The following ADH1B variants were observed in gnomAD, a reference collection of about 807,000 sequenced individuals.
ADH1B encodes the protein all-trans-retinol dehydrogenase [NAD(+)] ADH1B.
ADH1B carries 29 observed loss-of-function variants against 34.6 expected under a neutral mutation model. The ratio of observed to expected loss-of-function variants is 0.84; its 90% CI spans 0.62 to 1.14. ADH1B has a LOEUF of 1.14. Among genes scored for constraint, ADH1B ranks in the 50% most tolerant of loss-of-function variants. ADH1B has a pLI of 0.00. For synonymous variants in ADH1B, 170 were observed against 175.5 expected (o/e 0.97, Z 0.25); for missense variants, 424 against 468.4 (o/e 0.91, Z 0.87).
rs960778177 is a variant in ADH1B, at chr4:99,306,307, C to A, written c.*1533G>T. ...AGGGATAAGCCACTGCGCCACCCCC[C>A]ACCCCGCTTTAGCATTTTTGACAAA... On this transcript the variant is annotated 3_prime_UTR_variant, in exon 9 of 9. Coordinates refer to ENST00000305046, the MANE Select transcript of ADH1B (RefSeq NM_000668.6). The A allele has an allele frequency of 7.9e-5, 12 of 152,140 alleles. No individual in the cohort carries two copies. The highest frequency in any genetic ancestry group is 5.9e-4 in the Admixed American group (9 of 15,264). The allele number at this position is 152,140 out of a possible 1,614,324, so 9.4% of individuals were successfully genotyped here. A position where few individuals can be genotyped will look rare whatever the true frequency, so the allele number is the denominator to read the frequency against.
At chr4:99,317,406 A>T (rs1733913704) in intron 3 of ADH1B, 1 of 152,236 alleles carries the variant, frequency 6.6e-6, no homozygotes, top group Admixed American at 6.5e-5. Context: ...ATCTGTAACC[A>T]GTTGCATTTA....
At chr4:99,318,683 C>CA in intron 2 of ADH1B, 102 bp downstream of exon 2, 1 of 1,065,326 alleles carries the variant, frequency 9.4e-7, no homozygotes, top group Non-Finnish European at 1.3e-6. Flanking sequence ...TCTGGGTGAT[C>CA]ATATAAGATA....
chr4:99,321,105 C>T (rs962652420), intron 1 of ADH1B, among the ~76,000 whole-genome samples: 1 of 152,102 alleles, frequency 6.6e-6, no homozygotes, highest in Non-Finnish European at 1.5e-5. Context: ...GACACAGGTT[C>T]TATACATTCC....
rs906017258 is a variant in ADH1B, at chr4:99,321,401, T to C, written c.-70A>G. 5.3e-5 allele frequency: 77 copies of C among 1,444,868 alleles called. No individual in the cohort carries two copies. In the African/African-American group the frequency reaches 1.0e-3, roughly 19 times the overall value. 89.5% of individuals were successfully genotyped at this position (1,444,868 alleles called of 1,614,324 possible). A position where few individuals can be genotyped will look rare whatever the true frequency, so the allele number is the denominator to read the frequency against. The stretch of plus-strand genomic sequence containing the variant: ...TGGATTTCTTCTCTGCTTGAGTGCA[T>C]AAAGCAGATATATTGCACAGATATT... On this transcript the variant is annotated 5_prime_UTR_variant, in exon 1 of 9. It removes an upstream start codon present in the reference 5' UTR. Coordinates refer to ENST00000305046, the MANE Select transcript of ADH1B (RefSeq NM_000668.6).
intron 5 of ADH1B, chr4:99,314,930 GCTTTCCTGTCCCAAGTAATCTCATC>G (rs1733840315): frequency 6.6e-6 from 1 of 152,168 alleles, no homozygotes; most frequent in Non-Finnish European, 1.5e-5. Context: ...TGGGTAACAT[GCTTTCCTGTCCCAAGTAATCTCATC>G]CTTATATTCC....
At chr4:99,320,636 G>C (rs1204131433) in intron 1 of ADH1B, 1 of 288,164 alleles carries the variant, frequency 3.5e-6, no homozygotes, top group Admixed American at 5.6e-5. Context: ...GATTCAAATT[G>C]TATTATTATT....
chr4:99,315,198 T>A (rs1366488541), intron 5 of ADH1B: 1 of 152,424 alleles, frequency 6.6e-6, no homozygotes, highest in African/African-American at 2.4e-5. Flanking sequence ...TGGGCAAATA[T>A]CTTTATATAT....
At chr4:99,311,170 T>A (rs1449291671) in intron 7 of ADH1B, among the ~76,000 whole-genome samples, 1 of 152,204 alleles carries the variant, frequency 6.6e-6, no homozygotes, top group East Asian at 1.9e-4. Flanking sequence ...GGAGCAAATT[T>A]ATCAGTTGTC....
At chr4:99,315,752 A>G in intron 5 of ADH1B, 146 bp downstream of exon 5, 14 of 695,030 alleles carry the variant, frequency 2.0e-5, no homozygotes, top group Non-Finnish European at 3.2e-5. Context: ...TAGCATGTGT[A>G]CTCAATTCTT....
intron 1 of ADH1B, chr4:99,320,710 A>G (rs1445492223): frequency 4.9e-6 from 4 of 814,382 alleles, no homozygotes; most frequent in African/African-American, 1.9e-5. Context: ...ATACTGTTCC[A>G]TAGGATTTTT....
chr4:99,316,535 G>A (rs1197624866), intron 3 of ADH1B: 3 of 531,128 alleles, frequency 5.6e-6, no homozygotes, highest in African/African-American at 3.8e-5. Flanking sequence ...AGACCACACA[G>A]ATTAAAAAAA....
At position 99,316,243 on chromosome 4, in the gene ADH1B, G is replaced by C. The variant is rs369184871; in HGVS notation, c.319C>G (p.Pro107Ala). The change falls in exon 4 of 9, where the codon CCG becomes GCG. Residue 107 changes from proline to alanine, a missense_variant. Around this residue, in one of 3 missense-constraint regions of ADH1B, gnomAD observed 291 missense variants for 300.4 expected, o/e 0.97. Transcript: ENST00000305046. Reference sequence around the variant, plus strand: ...TTTTTCAAGCAGTAGTTGCTCTCCGGGTTTTTACAAACTCTGCATTTTCCA... The same window carrying C: ...TTTTTCAAGCAGTAGTTGCTCTCCGCGTTTTTACAAACTCTGCATTTTCCA... ...QCGKCRVCKN[P>A]ESNYCLKNDL... is the part of the protein sequence containing the mutation. The C allele has an allele frequency of 3.8e-5, 61 of 1,614,068 alleles. No individual in the cohort carries two copies. The highest frequency in any genetic ancestry group is 1.5e-4 in the Admixed American group (9 of 59,996).
chr4:99,318,258 G>A (rs1466875373), intron 2 of ADH1B, 74 bp from the exon 3 acceptor site: 1 of 1,575,226 alleles, frequency 6.3e-7, no homozygotes, highest in Non-Finnish European at 8.7e-7. Flanking sequence ...CCAAATTCCT[G>A]AAATTGTGTT....
intron 5 of ADH1B, 81 bp from the exon 6 acceptor site, chr4:99,314,162 G>A: frequency 6.4e-7 from 1 of 1,557,960 alleles, no homozygotes; most frequent in Non-Finnish European, 8.7e-7. Flanking sequence ...CCATGCGTAG[G>A]TGTTTATCAA....
intron 6 of ADH1B, among the ~76,000 whole-genome samples, chr4:99,313,334 A>G (rs1281687633): frequency 6.6e-6 from 1 of 152,174 alleles, no homozygotes; most frequent in East Asian, 1.9e-4. Context: ...CAATTTCCTT[A>G]GGGCATATTT....
chr4:99,305,501 C>CATATATATAT lies in ADH1B; in HGVS notation c.*2329_*2338dup, dbSNP rs71996730. On this transcript the variant is annotated 3_prime_UTR_variant, in exon 9 of 9. Transcript: ENST00000305046. ...AGCCAATACTTTCTACACTGGAATA[C>CATATATATAT]ATATATATATATATATATATATACA... The CATATATATAT allele has an allele frequency of 9.3e-4, 88 of 94,356 alleles. No individual in the cohort carries two copies. The highest frequency in any genetic ancestry group is 3.5e-3 in the African/African-American group (73 of 20,926). The allele number at this position is 94,356 out of a possible 1,614,324, so 5.8% of individuals were successfully genotyped here.
In ADH1B at chr4:99,311,642, T is replaced by G. The variant is rs766203011; in HGVS notation, c.843A>C (p.Leu281Phe). 2.5e-6 allele frequency: 4 copies of G among 1,613,704 alleles called. No individual in the cohort carries two copies. The East Asian group carries it at 8.9e-5, about 36-fold the overall frequency. The change falls in exon 7 of 9, where the codon TTA becomes TTC. Residue 281 changes from leucine (L) to phenylalanine (F), a missense_variant. By Grantham distance (22) the Leu-to-Phe change is conservative. Transcript: ENST00000305046. ...GRLDTMMASL[L>F]CCHEACGTSV... is the part of the protein sequence containing the mutation. ...TTGTGCCACATGCCTCATGACAACA[T>G]AACAGGGAAGCCATCTGGAATAAAG...
At chr4:99,310,629 T>A in intron 8 of ADH1B, 136 bp downstream of exon 8, 1 of 1,219,686 alleles carries the variant, frequency 8.2e-7, no homozygotes, top group Non-Finnish European at 1.1e-6. Flanking sequence ...CTACATACGC[T>A]CCATGCAAAG....
chr4:99,314,720 C>T (rs1733835002), intron 5 of ADH1B: 1 of 152,528 alleles, frequency 6.6e-6, no homozygotes, highest in African/African-American at 2.4e-5. Flanking sequence ...ATAACAAATA[C>T]AATCTATTGT....
Sources: allele counts gnomAD v4.1 joint callset (sites outside exome capture counted in the v4.1 genomes callset), GRCh38; gene constraint gnomAD v4.1.1; regional missense constraint gnomAD v4.1.1; transcripts MANE v1.5; gene names NCBI Gene and HGNC (gene_info 2026-07-23, HGNC 2026-07-21).